The following TTC27 variants were observed in gnomAD, a reference collection of about 807,000 sequenced individuals.
TTC27 encodes the protein tetratricopeptide repeat protein 27.
A neutral mutation model predicts 115.9 loss-of-function variants in TTC27; 79 were observed. The ratio of observed to expected loss-of-function variants is 0.68; its 90% CI spans 0.57 to 0.82. TTC27 has a LOEUF of 0.82. Ranked by LOEUF, TTC27 falls within the 40% of genes least tolerant of loss-of-function variation. The pLI, the probability that TTC27 is intolerant of heterozygous loss-of-function variation, is 0.00. For missense variants in TTC27, 1,054 were observed against 993.1 expected (o/e 1.06, Z -0.82); for synonymous variants, 401 against 356.0 (o/e 1.13, Z -1.42).
At chr2:32,818,280 T>G (rs534381013) in intron 19 of TTC27, among the ~76,000 whole-genome samples, 45 of 152,360 alleles carry the variant, frequency 3.0e-4, no homozygotes, top group Non-Finnish European at 5.0e-4. Flanking sequence ...ATATTATTGC[T>G]TATTTTGTAT....
chr2:32,769,819 C>T (rs985163391), intron 13 of TTC27, among the ~76,000 whole-genome samples: 4 of 152,178 alleles, frequency 2.6e-5, no homozygotes, highest in African/African-American at 7.2e-5. Context: ...GAGGGGGATA[C>T]AGGAGAATTG....
At chr2:32,628,467 A>AT in intron 1 of TTC27, 87 bp downstream of exon 1, 1 of 1,284,422 alleles carries the variant, frequency 7.8e-7, no homozygotes, top group South Asian at 1.5e-5. Flanking sequence ...CCCTCCCTTC[A>AT]TTTTTCCCTA....
intron 5 of TTC27, among the ~76,000 whole-genome samples, chr2:32,656,831 T>C (rs943147434): frequency 1.3e-5 from 2 of 152,152 alleles, no homozygotes; most frequent in Admixed American, 1.3e-4. Flanking sequence ...CTACTTTTGG[T>C]CAATGGCACA....
intron 9 of TTC27, among the ~76,000 whole-genome samples, chr2:32,682,570 G>A (rs974607686): frequency 1.4e-4 from 21 of 152,204 alleles, no homozygotes; most frequent in Admixed American, 8.5e-4. Flanking sequence ...CCATTTCCCT[G>A]CTCTAGCAGC....
intron 12 of TTC27, among the ~76,000 whole-genome samples, chr2:32,755,458 C>G (rs1045577051): frequency 6.6e-6 from 1 of 152,250 alleles, no homozygotes; most frequent in Non-Finnish European, 1.5e-5. Flanking sequence ...CAGCGCGTGC[C>G]TGCAATCGCA....
At chr2:32,757,235 A>T (rs1249995623) in intron 12 of TTC27, among the ~76,000 whole-genome samples, 1 of 152,140 alleles carries the variant, frequency 6.6e-6, no homozygotes, top group East Asian at 1.9e-4. Context: ...TACCGTTTTG[A>T]AAAAGGAAAA....
intron 13 of TTC27, among the ~76,000 whole-genome samples, chr2:32,772,361 C>T (rs1033904853): frequency 6.6e-6 from 1 of 152,124 alleles, no homozygotes; most frequent in Non-Finnish European, 1.5e-5. Flanking sequence ...TGAATTGATT[C>T]CCTTCCAGTT....
chr2:32,792,244 T>G (rs1012151108), intron 16 of TTC27, among the ~76,000 whole-genome samples: 12 of 152,188 alleles, frequency 7.9e-5, no homozygotes, highest in African/African-American at 2.9e-4. Flanking sequence ...ATTGAAGTTC[T>G]GGGACACTTG....
intron 8 of TTC27, among the ~76,000 whole-genome samples, chr2:32,677,069 C>A (rs150984648): frequency 1.1e-3 from 166 of 151,942 alleles, no homozygotes; most frequent in African/African-American, 3.8e-3. Context: ...ATTTTAATTT[C>A]ATGTTTTGTA....
intron 3 of TTC27, among the ~76,000 whole-genome samples, chr2:32,634,542 G>A (rs1347929459): frequency 6.6e-6 from 1 of 151,770 alleles, no homozygotes; most frequent in East Asian, 1.9e-4. Context: ...GCCTGCCTCA[G>A]CCTCCCAAAG....
At chr2:32,680,044 T>C (rs563778017) in intron 9 of TTC27, among the ~76,000 whole-genome samples, 1 of 152,274 alleles carries the variant, frequency 6.6e-6, no homozygotes, top group South Asian at 2.1e-4. Flanking sequence ...TGTACTGTAA[T>C]ATAAATTTTT....
chr2:32,767,456 T>TTG (rs1669672714), intron 13 of TTC27, among the ~76,000 whole-genome samples: 3 of 139,800 alleles, frequency 2.1e-5, no homozygotes, highest in Non-Finnish European at 3.1e-5. Context: ...TTTTTTTGTT[T>TTG]TTTTTTTTTT....
At chr2:32,788,502 T>C (rs1670422790) in intron 16 of TTC27, among the ~76,000 whole-genome samples, 1 of 152,220 alleles carries the variant, frequency 6.6e-6, no homozygotes, top group African/African-American at 2.4e-5. Context: ...CTTGGCTGTG[T>C]CATCTCTTTC....
intron 6 of TTC27, among the ~76,000 whole-genome samples, chr2:32,665,337 T>C (rs1665730943): frequency 6.6e-6 from 1 of 152,186 alleles, no homozygotes; most frequent in Non-Finnish European, 1.5e-5. Flanking sequence ...ACAATGGCCA[T>C]GTGTAAGTTG....
At chr2:32,816,189 C>T (rs1671496130) in intron 18 of TTC27, among the ~76,000 whole-genome samples, 1 of 151,980 alleles carries the variant, frequency 6.6e-6, no homozygotes, top group South Asian at 2.1e-4. Context: ...TGGTGACATG[C>T]ACCTGTGGTC....
chr2:32,718,692 T>C (rs922273126), intron 10 of TTC27, among the ~76,000 whole-genome samples: 8 of 151,964 alleles, frequency 5.3e-5, no homozygotes, highest in Non-Finnish European at 8.8e-5. Flanking sequence ...GTGGGTCTCA[T>C]TGTCTTAGAG....
intron 7 of TTC27, among the ~76,000 whole-genome samples, chr2:32,669,954 T>C (rs913769700): frequency 5.3e-5 from 8 of 151,914 alleles, no homozygotes; most frequent in Non-Finnish European, 7.4e-5. Flanking sequence ...TTTTTTATTT[T>C]TTATTTTTTT....
chr2:32,693,909 A>G (rs1466782291), intron 9 of TTC27, among the ~76,000 whole-genome samples: 2 of 152,274 alleles, frequency 1.3e-5, no homozygotes, highest in Non-Finnish European at 2.9e-5. Flanking sequence ...AACAGCACAT[A>G]GAATGTGTTA....
intron 12 of TTC27, among the ~76,000 whole-genome samples, chr2:32,745,054 CAAAAAAAAAAAAAAAAAAA>C (rs57044153): frequency 2.0e-5 from 1 of 49,864 alleles, no homozygotes; most frequent in Admixed American, 3.3e-4. Flanking sequence ...AACTCTGTCT[CAAAAAAAAAAAAAAAAAAA>C]AAAAAAAAGC....
Sources: gnomAD v4.1 joint callset for allele counts (sites outside exome capture counted in the v4.1 genomes callset) on GRCh38, gnomAD v4.1.1 for gene constraint, MANE v1.5 for transcripts, NCBI Gene and HGNC (gene_info 2026-07-23, HGNC 2026-07-21) for gene names.